The following RCN2 variants were observed in gnomAD, a reference collection of about 807,000 sequenced individuals.
RCN2 encodes the protein reticulocalbin 2.
Under a neutral mutation model 37.5 loss-of-function variants are expected in RCN2, and 23 were observed. The observed-to-expected ratio is 0.61, with a 90% CI of 0.44 to 0.87. The LOEUF is 0.87. RCN2 is among the 40% of genes least tolerant of loss of function. The pLI is 0.00. For synonymous variants in RCN2, 140 were observed against 144.6 expected (o/e 0.97, Z 0.23); for missense variants, 381 against 390.4 (o/e 0.98, Z 0.20).
rs560294451 is a variant in RCN2, at chr15:76,941,098, A to G, written c.448-2660A>G. Among the ~76,000 whole-genome samples the G allele has an allele frequency of 3.9e-5, 6 of 152,126 alleles. No individual in the cohort carries two copies. In the South Asian group the frequency reaches 8.3e-4, roughly 21 times the overall value. ...ACCCACGCTGGAGTGCAGTGGGGCA[A>G]TCTTGGCTCACTGCAACCTCTTCCT... On this transcript the variant is annotated intron_variant, in intron 3 of 6. Coordinates refer to ENST00000394885, the MANE Select transcript of RCN2 (RefSeq NM_002902.3).
Position 76,931,855 on chromosome 15 carries a change from C to A in RCN2, c.14C>A (p.Pro5Gln). Residue 5 changes from proline (P) to glutamine (Q), a missense_variant, in exon 1 of 7, where the codon CCG becomes CAG. Pro to Gln is a moderately conservative substitution (Grantham distance 76). Coordinates refer to ENST00000394885, the MANE Select transcript of RCN2 (RefSeq NM_002902.3). ...CGGGCCGGCGCGATGCGGCTGGGCC[C>A]GAGGACCGCGGCGTTGGGGCTGCTG... MRLG[P>Q]RTAALGLLLL... 2 of 1,268,816 alleles carry A rather than the reference C, an allele frequency of 1.6e-6. No homozygotes were observed. The highest frequency in any genetic ancestry group is 2.0e-6 in the Non-Finnish European group (2 of 1,010,320). 78.6% of individuals were successfully genotyped at this position (1,268,816 alleles called of 1,614,324 possible). A position where few individuals can be genotyped will look rare whatever the true frequency, so the allele number is the denominator to read the frequency against.
intron 5 of RCN2, 43 bp downstream of exon 5, chr15:76,947,560 G>A: frequency 8.8e-7 from 1 of 1,130,182 alleles, no homozygotes; most frequent in Non-Finnish European, 1.3e-6. Context: ...AGGAATTGAA[G>A]AAAGACATTG....
At position 76,931,994 on chromosome 15, in the gene RCN2, G is replaced by T; in HGVS notation, c.144+9G>T. On this transcript the variant is annotated intron_variant, in intron 1 of 6. Transcript: ENST00000394885. ...CGCTGCTGGGCGTCCAGGTGAGGCG[G>T]CCAGGCCGGTGCTGGGAGGGCCGGG... is the stretch of plus-strand genomic sequence containing the variant. 9 of 1,259,058 alleles carry T rather than the reference G, an allele frequency of 7.1e-6. No individual in the cohort carries two copies. Among genetic ancestry groups the T allele is most frequent in the Non-Finnish European group, 8.9e-6 (9 of 1,006,586 alleles). The allele number at this position is 1,259,058 out of a possible 1,614,324, so 78.0% of individuals were successfully genotyped here.
chr15:76,941,983 T>G, intron 3 of RCN2: 1 of 244,706 alleles, frequency 4.1e-6, no homozygotes. Context: ...TTTGTCTGCT[T>G]TTACCATGTT....
intron 2 of RCN2, 146 bp downstream of exon 2, chr15:76,932,612 A>G: frequency 1.6e-6 from 1 of 628,404 alleles, no homozygotes; most frequent in Non-Finnish European, 2.8e-6. Flanking sequence ...CTTTATACTT[A>G]CAAATCTTTA....
intron 1 of RCN2, 137 bp downstream of exon 1, chr15:76,932,122 C>G: frequency 2.2e-6 from 2 of 898,016 alleles, no homozygotes; most frequent in Non-Finnish European, 3.0e-6. Context: ...CGGCGCGGCA[C>G]TCGCTCTCTG....
intron 3 of RCN2, chr15:76,943,020 CTG>C (rs1224287273): frequency 6.6e-6 from 1 of 152,008 alleles, no homozygotes; most frequent in Non-Finnish European, 1.5e-5. Flanking sequence ...CATAAGAAGA[CTG>C]TTTTTCTGAA....
chr15:76,931,788 G>A lies in RCN2; in HGVS notation c.-54G>A. The A allele has an allele frequency of 8.4e-7, 1 of 1,186,954 alleles. No homozygotes were observed. Among genetic ancestry groups the A allele is most frequent in the Non-Finnish European group, 1.0e-6 (1 of 957,526 alleles). The allele number at this position is 1,186,954 out of a possible 1,614,324, so 73.5% of individuals were successfully genotyped here. ...CCGCGGAGCATCGCAGCCGGCCCGG[G>A]CCCCCGCCAGCCTCCCTCCTCGCGT... On this transcript the variant is annotated 5_prime_UTR_variant, in exon 1 of 7. Coordinates refer to ENST00000394885, the MANE Select transcript of RCN2 (RefSeq NM_002902.3).
rs1289425922 is a variant in RCN2 at position 76,931,962 on chromosome 15, C to A, written c.121C>A (p.Arg41Ser). 16 of 1,274,526 alleles carry A rather than the reference C, an allele frequency of 1.3e-5. No individual in the cohort carries two copies. Among genetic ancestry groups the A allele is most frequent in the Non-Finnish European group, 1.2e-5 (12 of 1,015,650 alleles). The allele number at this position is 1,274,526 out of a possible 1,614,324, so 79.0% of individuals were successfully genotyped here. A position where few individuals can be genotyped will look rare whatever the true frequency, so the allele number is the denominator to read the frequency against. Reference protein sequence around the residue: ...PLGERRSDYDREALLGVQEDV... With the variant: ...PLGERRSDYDSEALLGVQEDV... ...GGGCGAGCGCCGCAGCGACTACGAC[C>A]GCGAGGCGCTGCTGGGCGTCCAGGT... Residue 41 changes from arginine (R) to serine (S), a missense_variant, in exon 1 of 7, where the codon CGC becomes AGC. Physicochemically the swap from Arg to Ser is moderately radical, Grantham distance 110. Transcript: ENST00000394885.
Position 76,948,403 on chromosome 15 carries a change from T to C in RCN2, c.659-7T>C, listed in dbSNP as rs1290461335. 8 of 1,579,816 alleles carry C rather than the reference T, an allele frequency of 5.1e-6. No individual in the cohort carries two copies. The highest frequency in any genetic ancestry group is 6.0e-6 in the Non-Finnish European group (7 of 1,157,622). On this transcript the variant is annotated splice_region_variant and splice_polypyrimidine_tract_variant and intron_variant, in intron 5 of 6. Coordinates refer to ENST00000394885, the MANE Select transcript of RCN2 (RefSeq NM_002902.3). ...GTGTATGTATATTTGTGTTTTTTTA[T>C]ATTAAGCTGCAAATGAAGATCCAGA...
chr15:76,935,645 AT>A lies in RCN2; in HGVS notation c.372del (p.Gln125ArgfsTer6). The A allele has an allele frequency of 6.2e-7, 1 of 1,614,040 alleles. No homozygotes were observed. The highest frequency in any genetic ancestry group is 8.5e-7 in the Non-Finnish European group (1 of 1,179,890). On this transcript the variant is annotated frameshift_variant, in exon 3 of 7. Coordinates refer to ENST00000394885, the MANE Select transcript of RCN2 (RefSeq NM_002902.3). LOFTEE classifies it high-confidence loss of function. ...TACTGTGACTTGGGATGAATATAACATTCAGATGTATGATCGTGTGATTGAC... is the reference window on the plus strand; with the variant it reads ...TACTGTGACTTGGGATGAATATAACATCAGATGTATGATCGTGTGATTGAC... ...DDTVTWDEYNIQMYDRVIDFD... is the reference protein window; with the variant it reads ...DDTVTWDEYNXQMYDRVIDFD...
At chr15:76,936,210 A>G (rs1178481706) in intron 3 of RCN2, among the ~76,000 whole-genome samples, 1 of 152,112 alleles carries the variant, frequency 6.6e-6, no homozygotes, top group Non-Finnish European at 1.5e-5. Context: ...TATTCAACAT[A>G]TACAGAACTT....
intron 4 of RCN2, among the ~76,000 whole-genome samples, chr15:76,944,728 T>C (rs557227757): frequency 1.3e-5 from 2 of 152,370 alleles, no homozygotes; most frequent in South Asian, 2.1e-4. Context: ...TTTTTATGAC[T>C]GAATAGTACT....
chr15:76,931,764 C>A lies in RCN2; in HGVS notation c.-78C>A, dbSNP rs1051421436. On this transcript the variant is annotated 5_prime_UTR_variant, in exon 1 of 7. Coordinates refer to ENST00000394885, the MANE Select transcript of RCN2 (RefSeq NM_002902.3). ...GTCGCACCGCCTCTCTGTAGCCGCC[C>A]GCGGAGCATCGCAGCCGGCCCGGGC... The A allele has an allele frequency of 4.8e-5, 53 of 1,096,532 alleles. No individual in the cohort carries two copies. Among genetic ancestry groups the A allele is most frequent in the Non-Finnish European group, 5.8e-5 (51 of 877,912 alleles). The allele number at this position is 1,096,532 out of a possible 1,614,324, so 67.9% of individuals were successfully genotyped here.
Position 76,932,399 on chromosome 15 carries a change from G to A in RCN2, c.183G>A (p.Glu61=). ...AATATGTTAAACTCGGCCACGAAGA[G>A]CAGCAAAAAAGACTGCAGGCGATCA... ...VDEYVKLGHE[E]QQKRLQAIIK... The change falls in exon 2 of 7, where the codon GAG becomes GAA. Residue 61 remains glutamate, a synonymous_variant. Transcript: ENST00000394885. 1 of 1,613,968 alleles carries A rather than the reference G, an allele frequency of 6.2e-7. No homozygotes were observed. Among genetic ancestry groups the A allele is most frequent in the Non-Finnish European group, 8.5e-7 (1 of 1,179,918 alleles).
intron 4 of RCN2, among the ~76,000 whole-genome samples, chr15:76,944,446 A>G (rs1360694380): frequency 6.6e-6 from 1 of 152,138 alleles, no homozygotes; most frequent in Non-Finnish European, 1.5e-5. Context: ...CAACCCTGTT[A>G]TGCTGTCAAA....
intron 3 of RCN2, among the ~76,000 whole-genome samples, chr15:76,938,979 A>G (rs2075265375): frequency 6.6e-6 from 1 of 152,228 alleles, no homozygotes; most frequent in African/African-American, 2.4e-5. Context: ...CAACTGGGCA[A>G]TGTGGCAAGA....
rs1319800810 is a variant in RCN2, at chr15:76,932,472, G to A, written c.250+6G>A. The A allele has an allele frequency of 1.3e-6, 2 of 1,563,300 alleles. No individual in the cohort carries two copies. The highest frequency in any genetic ancestry group is 3.4e-5 in the Admixed American group (2 of 59,528). ...AGATGGCTTTCTCACTGAAAGTAAG[G>A]ACTGCCCTACACGACTAACAATGGA... is the stretch of plus-strand genomic sequence containing the variant. On this transcript the variant is annotated splice_donor_region_variant and intron_variant, in intron 2 of 6. Transcript: ENST00000394885.
At chr15:76,935,788 G>A in intron 3 of RCN2, 66 bp downstream of exon 3, 1 of 1,219,494 alleles carries the variant, frequency 8.2e-7, no homozygotes. Flanking sequence ...CTGCATGAAT[G>A]AGCACATTGA....
Sources: gnomAD v4.1 joint callset for allele counts (sites outside exome capture counted in the v4.1 genomes callset) on GRCh38, gnomAD v4.1.1 for gene constraint, MANE v1.5 for transcripts, NCBI Gene and HGNC (gene_info 2026-07-23, HGNC 2026-07-21) for gene names.